Variants in ZNF695 observed in about 807,000 individuals in gnomAD.
ZNF695 encodes the protein zinc finger protein 695.
ZNF695 carries 11 observed loss-of-function variants against 11.2 expected under a neutral mutation model. That is an observed-to-expected ratio of 0.98 (90% confidence interval 0.62 to 1.62). The LOEUF is 1.62. Among genes scored for constraint, ZNF695 ranks in the 40% most tolerant of loss-of-function variants. ZNF695 has a pLI of 0.00. For missense variants in ZNF695, 559 were observed against 590.5 expected (o/e 0.95, Z 0.55); for synonymous variants, 190 against 201.4 (o/e 0.94, Z 0.48).
intron 5 of ZNF695, among the ~76,000 whole-genome samples, chr1:246,963,219 T>C (rs1160644944): frequency 6.6e-6 from 1 of 152,196 alleles, no homozygotes; most frequent in Non-Finnish European, 1.5e-5. Context: ...CTGCATTCAT[T>C]TATTCATGAC....
chr1:246,988,862 G>A (rs761209091), intron 3 of ZNF695, among the ~76,000 whole-genome samples: 3 of 151,824 alleles, frequency 2.0e-5, no homozygotes, highest in East Asian at 3.9e-4. Flanking sequence ...AGGCCGAGAC[G>A]GGCGGATCAC....
At chr1:246,973,834 T>C (rs10924878) in intron 4 of ZNF695, among the ~76,000 whole-genome samples, 4,014 of 152,138 alleles carry the variant, frequency 0.026, 188 homozygotes, top group African/African-American at 0.093. Flanking sequence ...CCACAGCTGG[T>C]GCATCTTAAG....
In ZNF695 at chr1:246,996,191, CA is replaced by C. The variant is rs750458290; in HGVS notation, c.259+3156del. 2,294 of 276,704 alleles carry C rather than the reference CA, an allele frequency of 8.3e-3. 1 individual carries two copies. Among genetic ancestry groups the C allele is most frequent in the South Asian group, 0.014 (467 of 33,408 alleles). 17.1% of individuals were successfully genotyped at this position (276,704 alleles called of 1,614,324 possible). ...CGAAACCTCGTCTCTACTAAAAATACAAAAAAAAAAGAAAATTAGCCAGGCG... is the reference window on the plus strand; with the variant it reads ...CGAAACCTCGTCTCTACTAAAAATACAAAAAAAAAGAAAATTAGCCAGGCG... On this transcript the variant is annotated intron_variant, in intron 3 of 3. Transcript: ENST00000339986.
intron 3 of ZNF695, among the ~76,000 whole-genome samples, chr1:246,997,681 C>T (rs773982007): frequency 4.6e-5 from 7 of 152,096 alleles, no homozygotes; most frequent in Non-Finnish European, 8.8e-5. Flanking sequence ...TTTGTGAATG[C>T]TGAATGGATA....
chr1:247,003,442 G>A (rs1455391735), intron 1 of ZNF695, among the ~76,000 whole-genome samples: 1 of 152,152 alleles, frequency 6.6e-6, no homozygotes, highest in African/African-American at 2.4e-5. Context: ...CACTAGGGCC[G>A]ACTTTAGAGT....
chr1:246,985,194 G>T, downstream of ZNF695: 1 of 616,474 alleles, frequency 1.6e-6, no homozygotes, highest in Non-Finnish European at 2.0e-6. Flanking sequence ...GTATATTTAT[G>T]TATTTATCTC....
chr1:246,963,853 A>G (rs1194109761), intron 5 of ZNF695, among the ~76,000 whole-genome samples: 4 of 152,178 alleles, frequency 2.6e-5, no homozygotes, highest in Non-Finnish European at 5.9e-5. Context: ...ACTTAGTCCC[A>G]CAAGACTGCC....
intron 4 of ZNF695, among the ~76,000 whole-genome samples, chr1:246,975,413 A>G (rs1337705091): frequency 1.3e-5 from 2 of 152,222 alleles, no homozygotes; most frequent in African/African-American, 4.8e-5. Flanking sequence ...TATGCAATCT[A>G]TATAAATCCA....
chr1:246,988,047 A>C lies in ZNF695; in HGVS notation c.468T>G (p.Phe156Leu), dbSNP rs377108972. 144 of 1,602,556 alleles carry C rather than the reference A, an allele frequency of 9.0e-5. 1 individual carries two copies. Among genetic ancestry groups the C allele is most frequent in the Middle Eastern group, 8.3e-4 (5 of 6,020 alleles). ...LCSATTHSKNFQCNKCVKGFS... is the reference protein window; with the variant it reads ...LCSATTHSKNLQCNKCVKGFS... ...AACCTTTCACACATTTATTGCATTG[A>C]AAGTTTTTGCTATGAGTAGTTGCTG... The change falls in exon 4 of 4, where the codon TTT (phenylalanine) becomes TTG (leucine). Residue 156 changes from phenylalanine to leucine, a missense_variant. Physicochemically the swap from Phe to Leu is conservative, Grantham distance 22. Transcript: ENST00000339986.
chr1:246,993,343 G>A (rs1219370195), intron 3 of ZNF695, among the ~76,000 whole-genome samples: 1 of 151,980 alleles, frequency 6.6e-6, no homozygotes, highest in East Asian at 1.9e-4. Flanking sequence ...GGAGGCAGAG[G>A]GTGCAGTGAG....
At chr1:246,971,073 G>A (rs763890958) in intron 4 of ZNF695, among the ~76,000 whole-genome samples, 5 of 152,180 alleles carry the variant, frequency 3.3e-5, no homozygotes, top group African/African-American at 7.2e-5. Context: ...TAGTGGCCCC[G>A]AATGCATGGC....
rs570743420 is a variant in ZNF695 at position 246,956,084 on chromosome 1, G to A, written c.489-10257C>T. The stretch of plus-strand genomic sequence containing the variant: ...GCTCACTGCAACCTCCACCTCCTGG[G>A]TTCAAGCAGTTCTCTGCCTCAGCCT... On this transcript the variant is annotated intron_variant, in intron 5 of 5. Transcript: ENST00000487338. 2.6e-5 allele frequency among the ~76,000 whole-genome samples: 4 copies of A among 151,234 alleles called. No individual in the cohort carries two copies. In the East Asian group the frequency reaches 6.0e-4, roughly 23 times the overall value.
chr1:246,970,935 T>G (rs1030509983), intron 4 of ZNF695, among the ~76,000 whole-genome samples: 2 of 152,136 alleles, frequency 1.3e-5, no homozygotes, highest in African/African-American at 4.8e-5. Flanking sequence ...TCCAGCCCTA[T>G]TGGGTCTGTG....
chr1:246,972,498 T>C (rs553786332), intron 4 of ZNF695, among the ~76,000 whole-genome samples: 3 of 152,312 alleles, frequency 2.0e-5, no homozygotes, highest in African/African-American at 7.2e-5. Flanking sequence ...CTACTGGGAA[T>C]CCAAAAAGCC....
rs188605806 is a variant in ZNF695, at chr1:246,962,723, C to T, written c.488+4972G>A. 1.2e-3 allele frequency among the ~76,000 whole-genome samples: 184 copies of T among 151,016 alleles called. 1 individual carries two copies. Among genetic ancestry groups the T allele is most frequent in the Non-Finnish European group, 9.3e-4 (63 of 67,768 alleles). On this transcript the variant is annotated intron_variant, in intron 5 of 5. Coordinates refer to the ZNF695 transcript ENST00000487338. ...TTTTTTTTTTTTTGAGACGGAGTCT[C>T]GCTCTGTCACCCAGGCTGCAGTACA...
intron 5 of ZNF695, among the ~76,000 whole-genome samples, chr1:246,957,244 G>A (rs966410494): frequency 1.3e-5 from 2 of 151,956 alleles, no homozygotes; most frequent in African/African-American, 2.4e-5. Flanking sequence ...TTAGCTGGGC[G>A]TGGTGGTGCA....
At chr1:246,975,753 CAG>C (rs1668541487) in intron 4 of ZNF695, among the ~76,000 whole-genome samples, 1 of 151,968 alleles carries the variant, frequency 6.6e-6, no homozygotes, top group Non-Finnish European at 1.5e-5. Context: ...GAGCAGGAGA[CAG>C]TATCAAGAAA....
chr1:246,984,152 C>CAAAAAAAAAA (rs11321674), downstream of ZNF695, among the ~76,000 whole-genome samples: 2 of 91,646 alleles, frequency 2.2e-5, no homozygotes, highest in African/African-American at 4.2e-5. Flanking sequence ...ACCATGTCTC[C>CAAAAAAAAAA]AAAAAAAAAA....
intron 3 of ZNF695, among the ~76,000 whole-genome samples, chr1:246,994,126 A>T (rs979123956): frequency 1.3e-5 from 2 of 152,072 alleles, no homozygotes; most frequent in Admixed American, 6.5e-5. Context: ...AAAGCGTAAA[A>T]ATAATTATAA....
Sources: allele counts gnomAD v4.1 joint callset (sites outside exome capture counted in the v4.1 genomes callset), GRCh38; gene constraint gnomAD v4.1.1; transcripts MANE v1.5; gene names NCBI Gene and HGNC (gene_info 2026-07-23, HGNC 2026-07-21).